Variants in DISC1 observed in about 807,000 individuals in gnomAD.
The protein encoded by DISC1 is DISC1 scaffold protein.
Under a neutral mutation model 84.5 loss-of-function variants are expected in DISC1, and 57 were observed. The ratio of observed to expected loss-of-function variants is 0.67; its 90% CI spans 0.55 to 0.84. The LOEUF (loss-of-function observed/expected upper bound fraction) is 0.84, where lower values mean the gene tolerates loss of function less well. DISC1 is among the 40% of genes least tolerant of loss of function. The pLI is 0.00. For synonymous variants in DISC1, 411 were observed against 415.2 expected, an observed-to-expected ratio of 0.99 and a Z score of 0.12; for missense variants, 1,000 against 1,057.8, an observed-to-expected ratio of 0.95 and a Z score of 0.76.
chr1:232,001,615 T>C (rs751149863), intron 10 of DISC1, among the ~76,000 whole-genome samples: 1 of 152,154 alleles, frequency 6.6e-6, no homozygotes, highest in African/African-American at 2.4e-5. Flanking sequence ...TTGGCGAAGG[T>C]ATAAAAGTAA....
chr1:231,979,815 A>G (rs1462993207), intron 10 of DISC1, among the ~76,000 whole-genome samples: 4 of 151,974 alleles, frequency 2.6e-5, no homozygotes, highest in African/African-American at 7.2e-5. Context: ...TTAAGATTTA[A>G]CTACAGTTTC....
intron 9 of DISC1, among the ~76,000 whole-genome samples, chr1:231,937,909 T>C (rs1024560835): frequency 6.6e-6 from 1 of 152,076 alleles, no homozygotes; most frequent in African/African-American, 2.4e-5. Flanking sequence ...CTTGGCAGCA[T>C]CTGATCCAGT....
intron 11 of DISC1, among the ~76,000 whole-genome samples, chr1:232,020,209 G>T (rs1339444194): frequency 1.3e-5 from 2 of 152,192 alleles, no homozygotes; most frequent in African/African-American, 4.8e-5. Flanking sequence ...TGGCATGGTG[G>T]TGCATGCCTG....
chr1:231,636,166 T>A (rs1243305588), intron 1 of DISC1, among the ~76,000 whole-genome samples: 1 of 152,260 alleles, frequency 6.6e-6, no homozygotes, highest in Non-Finnish European at 1.5e-5. Flanking sequence ...TGAAATATGC[T>A]GCTCTTCATT....
At chr1:231,716,047 T>C (rs1260255146) in intron 3 of DISC1, among the ~76,000 whole-genome samples, 4 of 152,094 alleles carry the variant, frequency 2.6e-5, no homozygotes, top group Middle Eastern at 3.2e-3. Flanking sequence ...GAAGGTTAAA[T>C]GTGATAATGA....
At chr1:231,952,527 A>C (rs2102710110) in intron 9 of DISC1, among the ~76,000 whole-genome samples, 1 of 152,224 alleles carries the variant, frequency 6.6e-6, no homozygotes, top group East Asian at 1.9e-4. Flanking sequence ...CAAATAAATA[A>C]ATTTATACAT....
chr1:231,791,656 G>A (rs1003567059), intron 6 of DISC1, among the ~76,000 whole-genome samples: 3 of 152,202 alleles, frequency 2.0e-5, no homozygotes, highest in African/African-American at 4.8e-5. Flanking sequence ...TGGACAAATT[G>A]TGTGTTTCTA....
intron 3 of DISC1, among the ~76,000 whole-genome samples, chr1:231,716,126 C>T (rs766609134): frequency 7.9e-5 from 12 of 152,030 alleles, no homozygotes; most frequent in Non-Finnish European, 1.6e-4. Flanking sequence ...CTTTTTCTAC[C>T]TACCACTTAC....
chr1:231,969,890 G>A (rs1349077593), intron 10 of DISC1, among the ~76,000 whole-genome samples: 3 of 152,030 alleles, frequency 2.0e-5, no homozygotes, highest in Non-Finnish European at 4.4e-5. Flanking sequence ...GAGAATGATG[G>A]TTTCCAGCTT....
rs553486195 is a variant in DISC1, at chr1:231,765,519, TA to T, written c.1269-1620del. Among the ~76,000 whole-genome samples, 40 of 152,362 alleles carry T rather than the reference TA, an allele frequency of 2.6e-4. 1 individual carries two copies. The South Asian group carries it at 8.3e-3, about 32-fold the overall frequency. On this transcript the variant is annotated intron_variant, in intron 4 of 12. Transcript: ENST00000439617. ...TATTTTTCCCCACTTGTCGTTCGCC[TA>T]TTAGTTTTAGTTGATGGTGTTTTCT...
intron 3 of DISC1, among the ~76,000 whole-genome samples, chr1:231,715,695 C>A (rs2068604212): frequency 6.6e-6 from 1 of 152,160 alleles, no homozygotes; most frequent in African/African-American, 2.4e-5. Flanking sequence ...CATGAAGTGC[C>A]ATTTAGAAAT....
chr1:231,874,859 C>T (rs986527907), intron 9 of DISC1, among the ~76,000 whole-genome samples: 35 of 147,602 alleles, frequency 2.4e-4, no homozygotes, highest in African/African-American at 5.6e-4. Context: ...TGCAGTGAGC[C>T]GAGATCGCGC....
intron 6 of DISC1, among the ~76,000 whole-genome samples, chr1:231,783,894 C>G (rs1169922038): frequency 6.6e-6 from 1 of 152,094 alleles, no homozygotes; most frequent in Non-Finnish European, 1.5e-5. Flanking sequence ...TTTTTTCTCT[C>G]CCTTTCTCCC....
rs2065419495 is a variant in DISC1 at position 231,694,644 on chromosome 1, G to A, written c.886G>A (p.Asp296Asn). The A allele has an allele frequency of 6.2e-7, 1 of 1,614,262 alleles. No individual in the cohort carries two copies. Among genetic ancestry groups the A allele is most frequent in the East Asian group, 2.2e-5 (1 of 44,878 alleles). ...AGAGCGTGACATGCATTCTTTACCA[G>A]ACATGGACCCTGGCTCCTCCAGTTC... ...RPERDMHSLP[D>N]MDPGSSSSLD... The change falls in exon 2 of 13, where the codon GAC becomes AAC. Residue 296 changes from aspartate to asparagine, a missense_variant. Transcript: ENST00000439617.
At chr1:231,881,495 G>T (rs1038577669) in intron 9 of DISC1, among the ~76,000 whole-genome samples, 1 of 152,008 alleles carries the variant, frequency 6.6e-6, no homozygotes, top group Non-Finnish European at 1.5e-5. Context: ...TTGGATTAGG[G>T]CCCACTCTAA....
At chr1:231,714,542 A>T (rs888762640) in intron 3 of DISC1, among the ~76,000 whole-genome samples, 3 of 152,082 alleles carry the variant, frequency 2.0e-5, no homozygotes, top group African/African-American at 2.4e-5. Flanking sequence ...ACAGATATGT[A>T]TGAAACAGAG....
intron 1 of DISC1, among the ~76,000 whole-genome samples, chr1:231,632,497 G>T (rs1254486291): frequency 6.6e-6 from 1 of 152,188 alleles, no homozygotes; most frequent in Non-Finnish European, 1.5e-5. Flanking sequence ...TCGAGGTGAG[G>T]AATGGCAATC....
chr1:232,033,579 C>G (rs1201880951), intron 12 of DISC1, among the ~76,000 whole-genome samples: 1 of 152,228 alleles, frequency 6.6e-6, no homozygotes, highest in Non-Finnish European at 1.5e-5. Context: ...CTGCTGCACT[C>G]ATAGGTATTT....
At chr1:232,013,334 A>G (rs1668196482) in intron 11 of DISC1, among the ~76,000 whole-genome samples, 3 of 152,158 alleles carry the variant, frequency 2.0e-5, no homozygotes, top group Admixed American at 2.0e-4. Flanking sequence ...GTATGTGAGT[A>G]GCCAGTGTGT....
Sources: allele counts gnomAD v4.1 joint callset (sites outside exome capture counted in the v4.1 genomes callset), GRCh38; gene constraint gnomAD v4.1.1; transcripts MANE v1.5; gene names NCBI Gene and HGNC (gene_info 2026-07-23, HGNC 2026-07-21).